IL1RAPL1: variants seen among roughly 807,000 people sequenced by gnomAD.
The protein encoded by IL1RAPL1 is interleukin-1 receptor accessory protein-like 1.
In IL1RAPL1, 3 loss-of-function variants were observed where a neutral mutation model predicts 48.4. That is an observed-to-expected ratio of 0.06 (90% CI 0.03 to 0.16). IL1RAPL1 has a LOEUF of 0.16. Among genes scored for constraint, IL1RAPL1 ranks in the 10% least tolerant of loss-of-function variants. The pLI, the probability that IL1RAPL1 is intolerant of heterozygous loss-of-function variation, is 1.00. For synonymous variants in IL1RAPL1, 185 were observed against 187.7 expected (o/e 0.99, Z 0.12); for missense variants, 349 against 530.6 (o/e 0.66, Z 3.36).
intron 5 of IL1RAPL1, among the ~76,000 whole-genome samples, chrX:29,421,863 A>G (rs1602227442): frequency 8.9e-6 from 1 of 112,325 alleles, no homozygotes; most frequent in Non-Finnish European, 1.9e-5. Flanking sequence ...GGACTTAGGC[A>G]AATATTTTAA....
intron 10 of IL1RAPL1, 36 bp from the exon 11 acceptor site, chrX:29,955,066 T>C (rs1933393084): frequency 8.9e-7 from 1 of 1,120,395 alleles, no homozygotes; most frequent in Admixed American, 2.2e-5. Context: ...AAATTTTCCA[T>C]TCACTCATTT....
chrX:29,079,762 C>T (rs1927759778), intron 2 of IL1RAPL1, among the ~76,000 whole-genome samples: 1 of 110,553 alleles, frequency 9.0e-6, no homozygotes, highest in African/African-American at 3.3e-5. Flanking sequence ...TGTAAGATTC[C>T]AGAAGGCAGT....
intron 2 of IL1RAPL1, among the ~76,000 whole-genome samples, chrX:28,983,776 T>A (rs1925399906): frequency 9.0e-6 from 1 of 111,689 alleles, no homozygotes; most frequent in African/African-American, 3.3e-5. Flanking sequence ...ATTTAATAGA[T>A]TAAAAATTAT....
intron 2 of IL1RAPL1, among the ~76,000 whole-genome samples, chrX:28,895,002 A>C (rs1444171882): frequency 9.0e-6 from 1 of 111,012 alleles, no homozygotes; most frequent in Non-Finnish European, 1.9e-5. Context: ...AGTACAGCCC[A>C]GGTGATTTGC....
intron 1 of IL1RAPL1, among the ~76,000 whole-genome samples, chrX:28,784,159 A>G (rs1569171999): frequency 8.9e-6 from 1 of 112,225 alleles, no homozygotes; most frequent in Non-Finnish European, 1.9e-5. Context: ...GTTGCAGAGT[A>G]TCTAAGAGCT....
At chrX:29,208,449 C>T (rs185724024) in intron 2 of IL1RAPL1, among the ~76,000 whole-genome samples, 6 of 111,088 alleles carry the variant, frequency 5.4e-5, no homozygotes, top group Non-Finnish European at 9.4e-5. Context: ...CGGTGGCTCA[C>T]GCCTGTAATC....
intron 3 of IL1RAPL1, among the ~76,000 whole-genome samples, chrX:29,299,482 A>G (rs1303947887): frequency 8.9e-6 from 1 of 111,997 alleles, no homozygotes; most frequent in Non-Finnish European, 1.9e-5. Context: ...TTATTTAAAC[A>G]TACAAAAATA....
chrX:29,840,942 G>C (rs999134128), intron 6 of IL1RAPL1, among the ~76,000 whole-genome samples: 14 of 111,883 alleles, frequency 1.3e-4, no homozygotes, highest in African/African-American at 3.9e-4. Flanking sequence ...CATTAATAGG[G>C]TGATTACCGT....
At chrX:29,579,311 A>C (rs1922883298) in intron 5 of IL1RAPL1, among the ~76,000 whole-genome samples, 1 of 112,129 alleles carries the variant, frequency 8.9e-6, no homozygotes, top group African/African-American at 3.2e-5. Flanking sequence ...AAATGAGGTC[A>C]CAGTGAGGCT....
intron 2 of IL1RAPL1, among the ~76,000 whole-genome samples, chrX:28,968,068 G>A (rs188900676): frequency 1.2e-3 from 132 of 111,354 alleles, no homozygotes; most frequent in Non-Finnish European, 4.1e-4. Context: ...AAACAAAAGA[G>A]AATTTCTTCC....
At chrX:29,445,591 TA>T (rs1458071195) in intron 5 of IL1RAPL1, among the ~76,000 whole-genome samples, 1 of 111,933 alleles carries the variant, frequency 8.9e-6, no homozygotes, top group Non-Finnish European at 1.9e-5. Flanking sequence ...TAATTGCATA[TA>T]AAAATGTGTT....
intron 6 of IL1RAPL1, among the ~76,000 whole-genome samples, chrX:29,756,641 G>A (rs988738474): frequency 6.3e-5 from 7 of 111,154 alleles, no homozygotes; most frequent in Non-Finnish European, 1.3e-4. Context: ...TCGAACTCCC[G>A]ACCTCAGGTG....
At chrX:29,143,732 A>G (rs1379936767) in intron 2 of IL1RAPL1, among the ~76,000 whole-genome samples, 2 of 112,073 alleles carry the variant, frequency 1.8e-5, no homozygotes, top group Non-Finnish European at 3.8e-5. Flanking sequence ...TAATTGTTCT[A>G]TTTTATTATT....
chrX:28,617,722 G>T (rs1199470487), intron 1 of IL1RAPL1, among the ~76,000 whole-genome samples: 1 of 112,414 alleles, frequency 8.9e-6, no homozygotes, highest in Non-Finnish European at 1.9e-5. Flanking sequence ...CCTTGGCTTT[G>T]TTTAGAATAG....
intron 2 of IL1RAPL1, among the ~76,000 whole-genome samples, chrX:29,070,506 C>CTTGAGGTTCTTCCAATTTTA (rs1415513280): frequency 9.0e-6 from 1 of 111,403 alleles, no homozygotes; most frequent in Non-Finnish European, 1.9e-5. Flanking sequence ...CTTTCATGGC[C>CTTGAGGTTCTTCCAATTTTA]TTGAGGTTCT....
chrX:29,872,957 CCT>C (rs1383690922), intron 6 of IL1RAPL1, among the ~76,000 whole-genome samples: 2 of 112,054 alleles, frequency 1.8e-5, no homozygotes, highest in Non-Finnish European at 3.8e-5. Flanking sequence ...GTTTCTGCTT[CCT>C]CTCTTTTTCT....
intron 2 of IL1RAPL1, among the ~76,000 whole-genome samples, chrX:29,068,766 A>T (rs768877092): frequency 2.8e-4 from 32 of 112,389 alleles, no homozygotes; most frequent in African/African-American, 1.0e-3. Flanking sequence ...AAGAACTTTT[A>T]TGCCTTTTTT....
chrX:28,849,222 C>A, intron 2 of IL1RAPL1, among the ~76,000 whole-genome samples: 1 of 110,480 alleles, frequency 9.1e-6, no homozygotes, highest in Non-Finnish European at 1.9e-5. Context: ...CACCATTGTT[C>A]TGTTGGCTGA....
intron 5 of IL1RAPL1, among the ~76,000 whole-genome samples, chrX:29,651,667 T>C (rs1212907685): frequency 9.0e-6 from 1 of 111,166 alleles, no homozygotes; most frequent in African/African-American, 3.3e-5. Context: ...TATATAATTA[T>C]AGTTAGATAG....
Sources: gnomAD v4.1 joint callset for allele counts (sites outside exome capture counted in the v4.1 genomes callset) on GRCh38, gnomAD v4.1.1 for gene constraint, MANE v1.5 for transcripts, NCBI Gene and HGNC (gene_info 2026-07-23, HGNC 2026-07-21) for gene names.